The following KCNMB2 variants were observed in gnomAD, a reference collection of about 807,000 sequenced individuals.
The protein encoded by KCNMB2 is calcium-activated potassium channel subunit beta-2.
A neutral mutation model predicts 24.5 loss-of-function variants in KCNMB2; 9 were observed. That is an observed-to-expected ratio of 0.37 (90% confidence interval 0.22 to 0.64). The LOEUF (loss-of-function observed/expected upper bound fraction) is 0.64. Ranked by LOEUF, KCNMB2 falls within the 30% of genes least tolerant of loss-of-function variation. The probability of loss-of-function intolerance (pLI) is 0.63; values close to 1 mark genes in which losing one functional copy is unlikely to be tolerated. For synonymous variants in KCNMB2, 109 were observed against 104.4 expected (o/e 1.04, Z -0.27); for missense variants, 226 against 284.3 (o/e 0.79, Z 1.47).
chr3:178,660,440 G>A (rs2108570133), intron 1 of KCNMB2, among the ~76,000 whole-genome samples: 1 of 152,124 alleles, frequency 6.6e-6, no homozygotes, highest in East Asian at 1.9e-4. Flanking sequence ...AGTTCTCACT[G>A]GGGCCCCTTC....
At chr3:178,541,180 GA>G (rs1042090226) in intron 1 of KCNMB2, among the ~76,000 whole-genome samples, 15 of 151,738 alleles carry the variant, frequency 9.9e-5, no homozygotes, top group Middle Eastern at 3.4e-3. Context: ...ACAGGAGGGG[GA>G]AAAAAAATCA....
At chr3:178,836,985 C>T (rs1024120176) in intron 4 of KCNMB2, among the ~76,000 whole-genome samples, 10 of 152,148 alleles carry the variant, frequency 6.6e-5, no homozygotes, top group African/African-American at 2.2e-4. Flanking sequence ...ACTAAATCTT[C>T]ACTCTAAATT....
intron 1 of KCNMB2, among the ~76,000 whole-genome samples, chr3:178,651,425 C>T (rs1560148924): frequency 1.3e-5 from 2 of 152,082 alleles, no homozygotes; most frequent in Admixed American, 6.5e-5. Context: ...AGAGAGGACA[C>T]AAACAAATGG....
intron 2 of KCNMB2, among the ~76,000 whole-genome samples, chr3:178,819,320 T>C (rs1238882520): frequency 6.6e-6 from 1 of 152,112 alleles, no homozygotes; most frequent in Non-Finnish European, 1.5e-5. Context: ...CCCTACACAG[T>C]TCTATAATAA....
chr3:178,555,483 G>A (rs566535639), intron 1 of KCNMB2, among the ~76,000 whole-genome samples: 143 of 152,272 alleles, frequency 9.4e-4, no homozygotes, highest in African/African-American at 3.2e-3. Context: ...TATCTTGCAG[G>A]TCTTTTGGGA....
chr3:178,757,843 A>G (rs1440627220), intron 1 of KCNMB2, among the ~76,000 whole-genome samples: 2 of 106,220 alleles, frequency 1.9e-5, no homozygotes, highest in Non-Finnish European at 4.2e-5. Context: ...CCAAGAGGAT[A>G]TATATATCCA....
At chr3:178,716,640 GC>G (rs1722628345) in intron 1 of KCNMB2, among the ~76,000 whole-genome samples, 1 of 151,922 alleles carries the variant, frequency 6.6e-6, no homozygotes, top group South Asian at 2.1e-4. Flanking sequence ...GATGGGTTTT[GC>G]CATGTTGGCC....
At chr3:178,715,580 G>A (rs1273965771) in intron 1 of KCNMB2, among the ~76,000 whole-genome samples, 2 of 151,978 alleles carry the variant, frequency 1.3e-5, no homozygotes, top group Non-Finnish European at 1.5e-5. Flanking sequence ...TATATCACTA[G>A]GCTGCTTTTC....
At chr3:178,770,202 A>T (rs1712287790) in intron 1 of KCNMB2, among the ~76,000 whole-genome samples, 1 of 152,228 alleles carries the variant, frequency 6.6e-6, no homozygotes. Context: ...CCTGGTCTCC[A>T]GGCAGGTGTT....
rs150335583 is a variant in KCNMB2 at position 178,719,452 on chromosome 3, C to G, written c.-67-87891C>G. On this transcript the variant is annotated intron_variant, in intron 1 of 4. Transcript: ENST00000452583. Reference sequence around the variant, plus strand: ...ACAGCTTGTGTGACTCTGTTCTGGGCCTCTAGGCCACTTCAGAAGTGATTA... The same window carrying G: ...ACAGCTTGTGTGACTCTGTTCTGGGGCTCTAGGCCACTTCAGAAGTGATTA... Among the ~76,000 whole-genome samples the G allele has an allele frequency of 4.4e-4, 67 of 152,328 alleles. 1 individual carries two copies. Among genetic ancestry groups the G allele is most frequent in the African/African-American group, 1.6e-3 (65 of 41,578 alleles).
chr3:178,829,396 G>A (rs548153679), intron 4 of KCNMB2, among the ~76,000 whole-genome samples: 1 of 152,282 alleles, frequency 6.6e-6, no homozygotes, highest in East Asian at 1.9e-4. Context: ...GAGTGAATGG[G>A]ATTTGTTTCT....
At chr3:178,756,421 T>C (rs1256658677) in intron 1 of KCNMB2, among the ~76,000 whole-genome samples, 1 of 152,180 alleles carries the variant, frequency 6.6e-6, no homozygotes, top group Non-Finnish European at 1.5e-5. Flanking sequence ...TGTCAACCAA[T>C]CAAAACAAAA....
At chr3:178,542,168 A>T (rs1446458843) in intron 1 of KCNMB2, among the ~76,000 whole-genome samples, 1 of 152,196 alleles carries the variant, frequency 6.6e-6, no homozygotes, top group African/African-American at 2.4e-5. Context: ...CTTGCTAAGA[A>T]TTAAAAAGAA....
intron 1 of KCNMB2, among the ~76,000 whole-genome samples, chr3:178,613,147 C>T (rs10936975): frequency 0.43 from 65,726 of 152,120 alleles, 17,050 homozygotes; most frequent in African/African-American, 0.74. Context: ...CCTGTAATCC[C>T]GGCACTTTGG....
intron 1 of KCNMB2, among the ~76,000 whole-genome samples, chr3:178,591,813 T>C (rs532750813): frequency 6.6e-6 from 1 of 152,288 alleles, no homozygotes; most frequent in East Asian, 1.9e-4. Flanking sequence ...GGGATTCTGA[T>C]GTAGAATATC....
At chr3:178,744,524 T>G (rs1221076070) in intron 1 of KCNMB2, among the ~76,000 whole-genome samples, 1 of 152,186 alleles carries the variant, frequency 6.6e-6, no homozygotes, top group Admixed American at 6.5e-5. Flanking sequence ...AAATGTTAGG[T>G]GGATGATGGT....
chr3:178,764,092 A>G (rs527301807), intron 1 of KCNMB2, among the ~76,000 whole-genome samples: 1 of 152,336 alleles, frequency 6.6e-6, no homozygotes, highest in South Asian at 2.1e-4. Context: ...TTTGATTCGT[A>G]GTCTACTGCT....
chr3:178,839,845 A>G (rs1715363873), intron 4 of KCNMB2, among the ~76,000 whole-genome samples: 2 of 152,184 alleles, frequency 1.3e-5, no homozygotes, highest in South Asian at 4.1e-4. Context: ...GGGTGGAGAC[A>G]CAGAGCCAAA....
At chr3:178,725,433 T>C (rs1722936575) in intron 1 of KCNMB2, among the ~76,000 whole-genome samples, 2 of 152,048 alleles carry the variant, frequency 1.3e-5, no homozygotes, top group Admixed American at 6.6e-5. Context: ...AACAATATGA[T>C]TCTATATCTA....
Sources: gnomAD v4.1 joint callset for allele counts (sites outside exome capture counted in the v4.1 genomes callset) on GRCh38, gnomAD v4.1.1 for gene constraint, MANE v1.5 for transcripts, NCBI Gene and HGNC (gene_info 2026-07-23, HGNC 2026-07-21) for gene names.